IL13RA1: variants seen among roughly 807,000 people sequenced by gnomAD.
IL13RA1 encodes the protein interleukin-13 receptor subunit alpha-1.
A neutral mutation model predicts 33.8 loss-of-function variants in IL13RA1; 14 were observed. The ratio of observed to expected loss-of-function variants is 0.41; its 90% CI spans 0.27 to 0.65. The LOEUF is 0.65. IL13RA1 is among the 30% of genes least tolerant of loss of function. IL13RA1 has a pLI of 0.28. For synonymous variants in IL13RA1, 116 were observed against 115.7 expected, an observed-to-expected ratio of 1.00 and a Z score of -0.02; for missense variants, 313 against 327.0, an observed-to-expected ratio of 0.96 and a Z score of 0.33.
At chrX:118,768,323 T>A (rs1332152014) in intron 8 of IL13RA1, among the ~76,000 whole-genome samples, 2 of 112,195 alleles carry the variant, frequency 1.8e-5, no homozygotes, top group Non-Finnish European at 3.8e-5. Flanking sequence ...TCTCACAGTT[T>A]CGGTGAGTCA....
chrX:118,772,938 A>G (rs1216203992), intron 8 of IL13RA1, among the ~76,000 whole-genome samples: 1 of 112,500 alleles, frequency 8.9e-6, no homozygotes, highest in Non-Finnish European at 1.9e-5. Flanking sequence ...ACAGATACCA[A>G]AAAAATACTT....
chrX:118,751,629 T>C (rs776280125), intron 4 of IL13RA1, among the ~76,000 whole-genome samples: 25 of 109,807 alleles, frequency 2.3e-4, no homozygotes, highest in Admixed American at 4.9e-4. Flanking sequence ...GAAGAGCATT[T>C]TGAGAAATGG....
intron 1 of IL13RA1, among the ~76,000 whole-genome samples, chrX:118,732,909 CT>C (rs1329799165): frequency 3.6e-5 from 4 of 111,716 alleles, no homozygotes; most frequent in Non-Finnish European, 7.5e-5. Context: ...TACTATTTGT[CT>C]TTTTTGTGAC....
chrX:118,796,073 C>A (rs1009119344), downstream of IL13RA1, among the ~76,000 whole-genome samples: 17 of 112,411 alleles, frequency 1.5e-4, no homozygotes, highest in African/African-American at 5.5e-4. Context: ...TACTATCTTT[C>A]CTAACGGTCA....
chrX:118,803,255 A>C, the IL13RA1 span, among the ~76,000 whole-genome samples: 3 of 112,479 alleles, frequency 2.7e-5, no homozygotes. Flanking sequence ...GGATTAAAAA[A>C]ATATTATGGG....
At chrX:118,740,369 A>G (rs941507798) in intron 1 of IL13RA1, among the ~76,000 whole-genome samples, 1 of 112,257 alleles carries the variant, frequency 8.9e-6, no homozygotes, top group African/African-American at 3.2e-5. Context: ...TCTCTATGGA[A>G]GTGGTTAAGA....
At chrX:118,791,142 TA>T (rs541356995) in intron 10 of IL13RA1, among the ~76,000 whole-genome samples, 2 of 110,797 alleles carry the variant, frequency 1.8e-5, no homozygotes, top group East Asian at 5.7e-4. Flanking sequence ...CAAGTAAAAG[TA>T]AAAAAAAGGC....
At chrX:118,779,316 G>A (rs182892488) in intron 10 of IL13RA1, among the ~76,000 whole-genome samples, 81 of 111,041 alleles carry the variant, frequency 7.3e-4, no homozygotes, top group African/African-American at 2.6e-3. Flanking sequence ...TGGTCAATGC[G>A]GCATTTGCTT....
At chrX:118,735,121 T>TA (rs199988828) in intron 1 of IL13RA1, among the ~76,000 whole-genome samples, 1,361 of 110,226 alleles carry the variant, frequency 0.012, 9 homozygotes, top group Middle Eastern at 0.019. Context: ...CTAGAATCAG[T>TA]AGTGATTCTA....
intron 1 of IL13RA1, among the ~76,000 whole-genome samples, chrX:118,733,524 A>G (rs900248661): frequency 3.6e-5 from 4 of 111,172 alleles, no homozygotes; most frequent in African/African-American, 1.3e-4. Context: ...TATATTCTGG[A>G]TATTAATCCC....
At chrX:118,756,786 A>G (rs1187259054) in intron 4 of IL13RA1, among the ~76,000 whole-genome samples, 5 of 112,032 alleles carry the variant, frequency 4.5e-5, no homozygotes, top group Non-Finnish European at 9.4e-5. Context: ...AGGTTGGAAG[A>G]AAAAACAGTT....
At chrX:118,800,940 C>T in the IL13RA1 span, among the ~76,000 whole-genome samples, 1 of 111,168 alleles carries the variant, frequency 9.0e-6, no homozygotes, top group African/African-American at 3.3e-5. Context: ...GCACTTGCCA[C>T]CATGCTCAGC....
intron 10 of IL13RA1, among the ~76,000 whole-genome samples, chrX:118,789,604 A>G (rs974459313): frequency 2.7e-5 from 3 of 111,575 alleles, no homozygotes; most frequent in African/African-American, 9.7e-5. Flanking sequence ...CTCTTTACGT[A>G]TTAGATATTA....
intron 4 of IL13RA1, among the ~76,000 whole-genome samples, chrX:118,754,920 T>C (rs1452258477): frequency 9.5e-6 from 1 of 105,458 alleles, no homozygotes; most frequent in African/African-American, 3.4e-5. Flanking sequence ...CCCCCAACCA[T>C]AAAATACGGA....
chrX:118,761,864 C>T (rs999844292), intron 6 of IL13RA1, among the ~76,000 whole-genome samples: 1 of 111,328 alleles, frequency 9.0e-6, no homozygotes, highest in Non-Finnish European at 1.9e-5. Flanking sequence ...CAGATACAGA[C>T]TCTGAGGCAA....
intron 3 of IL13RA1, among the ~76,000 whole-genome samples, chrX:118,748,361 G>GGAAAAAAAAA (rs1556363018): frequency 2.0e-5 from 1 of 51,024 alleles, no homozygotes. Flanking sequence ...AGGAGTTAAC[G>GGAAAAAAAAA]AAAAAAAAAA....
chrX:118,774,751 T>C (rs1254505245), intron 9 of IL13RA1, among the ~76,000 whole-genome samples: 1 of 112,239 alleles, frequency 8.9e-6, no homozygotes, highest in Non-Finnish European at 1.9e-5. Flanking sequence ...CTTGAGAATA[T>C]TTTATTTTCT....
Position 118,727,689 on chromosome X carries a change from C to T in IL13RA1, c.51C>T (p.Ala17=). The change falls in exon 1 of 11, where the codon GCC becomes GCT. Residue 17 remains alanine (A), a synonymous_variant. Coordinates refer to ENST00000371666, the MANE Select transcript of IL13RA1 (RefSeq NM_001560.3). Reference sequence around the variant, plus strand: ...GGCTGTGGGCGCTGCTGCTCTGCGCCGGCGGCGGGGGCGGGGGCGGGGGCG... The same window carrying T: ...GGCTGTGGGCGCTGCTGCTCTGCGCTGGCGGCGGGGGCGGGGGCGGGGGCG... ...LCGLWALLLC[A]GGGGGGGGAA... The T allele has an allele frequency of 7.5e-6, 5 of 667,052 alleles. No homozygotes were observed. The highest frequency in any genetic ancestry group is 9.4e-6 in the Non-Finnish European group (5 of 533,051). The allele number at this position is 667,052 out of a possible 1,213,427, so 55.0% of individuals were successfully genotyped here.
chrX:118,800,739 G>A, the IL13RA1 span, among the ~76,000 whole-genome samples: 1 of 110,993 alleles, frequency 9.0e-6, no homozygotes, highest in Non-Finnish European at 1.9e-5. Context: ...CAATTAGCTC[G>A]GACTATGGGC....
Sources: gnomAD v4.1 joint callset for allele counts (sites outside exome capture counted in the v4.1 genomes callset) on GRCh38, gnomAD v4.1.1 for gene constraint, MANE v1.5 for transcripts, NCBI Gene and HGNC (gene_info 2026-07-23, HGNC 2026-07-21) for gene names.